The following TRPS1 variants were observed in gnomAD, a reference collection of about 807,000 sequenced individuals.
The protein encoded by TRPS1 is zinc finger transcription factor Trps1.
A neutral mutation model predicts 101.2 loss-of-function variants in TRPS1; 6 were observed. That is an observed-to-expected ratio of 0.06 (90% confidence interval 0.03 to 0.12). The LOEUF (loss-of-function observed/expected upper bound fraction) is 0.12, where lower values mean the gene tolerates loss of function less well. Ranked by LOEUF, TRPS1 falls within the 10% of genes least tolerant of loss-of-function variation. The probability of loss-of-function intolerance (pLI) is 1.00; values close to 1 mark genes in which losing one functional copy is unlikely to be tolerated. For synonymous variants in TRPS1, 578 were observed against 589.8 expected, an observed-to-expected ratio of 0.98 and a Z score of 0.29; for missense variants, 1,363 against 1,567.0, an observed-to-expected ratio of 0.87 and a Z score of 2.20.
At chr8:115,631,634 CATGGATGGATGGATGGATGG>C (rs57368306) in intron 1 of TRPS1, among the ~76,000 whole-genome samples, 262 of 149,408 alleles carry the variant, frequency 1.8e-3, no homozygotes, top group African/African-American at 5.8e-3. Context: ...TTATTAGATG[CATGGATGGATGGATGGATGG>C]ATGGATGGAT....
intron 5 of TRPS1, among the ~76,000 whole-genome samples, chr8:115,551,200 A>T (rs1243023988): frequency 1.3e-5 from 2 of 152,220 alleles, no homozygotes; most frequent in Non-Finnish European, 2.9e-5. Flanking sequence ...TAATATTCCA[A>T]AATATTAGGA....
intron 3 of TRPS1, among the ~76,000 whole-genome samples, chr8:115,606,128 G>A (rs180740300): frequency 8.9e-4 from 136 of 152,192 alleles, no homozygotes; most frequent in African/African-American, 3.1e-3. Flanking sequence ...ACGTGTGATC[G>A]CTGTTCATAT....
intron 5 of TRPS1, among the ~76,000 whole-genome samples, chr8:115,457,079 G>T (rs1341867384): frequency 2.0e-5 from 3 of 151,994 alleles, no homozygotes; most frequent in Non-Finnish European, 2.9e-5. Flanking sequence ...AAATGATGTG[G>T]TTTAGAAAAA....
chr8:115,606,624 AG>A (rs1439833441), intron 3 of TRPS1, among the ~76,000 whole-genome samples: 37 of 152,130 alleles, frequency 2.4e-4, no homozygotes, highest in Non-Finnish European at 4.4e-5. Flanking sequence ...ATGGTGTGAG[AG>A]GTTTCAAAGC....
intron 5 of TRPS1, among the ~76,000 whole-genome samples, chr8:115,478,929 GTA>G (rs1356979810): frequency 2.0e-5 from 3 of 148,362 alleles, no homozygotes; most frequent in South Asian, 4.2e-4. Flanking sequence ...GTATATATGT[GTA>G]TATATGTATA....
At chr8:115,528,562 T>C (rs1351450950) in intron 5 of TRPS1, among the ~76,000 whole-genome samples, 2 of 152,080 alleles carry the variant, frequency 1.3e-5, no homozygotes, top group African/African-American at 4.8e-5. Flanking sequence ...TACATTCATA[T>C]GACACCTTAA....
chr8:115,418,480 A>G lies in TRPS1; in HGVS notation c.2701-28T>C. ...GAAACAGGGGAAAAAAACCAAGGTC[A>G]GAGGTGAGTCACATGATCAGTGGAG... is the stretch of plus-strand genomic sequence containing the variant. On this transcript the variant is annotated intron_variant, in intron 5 of 6. Coordinates refer to ENST00000395715, the MANE Select transcript of TRPS1 (RefSeq NM_014112.5). The surrounding 1 kb of genome is among the most constrained non-coding windows in gnomAD (Gnocchi z 4.3). 1 of 1,614,088 alleles carries G rather than the reference A, an allele frequency of 6.2e-7. No individual in the cohort carries two copies. The highest frequency in any genetic ancestry group is 8.5e-7 in the Non-Finnish European group (1 of 1,179,944).
chr8:115,643,542 T>C (rs2130592465), intron 1 of TRPS1, among the ~76,000 whole-genome samples: 1 of 152,194 alleles, frequency 6.6e-6, no homozygotes, highest in East Asian at 1.9e-4. Context: ...TTGCAGCAAT[T>C]CAGTCATATC....
intron 5 of TRPS1, among the ~76,000 whole-genome samples, chr8:115,579,422 A>G (rs1299367050): frequency 6.6e-6 from 1 of 152,070 alleles, no homozygotes; most frequent in Non-Finnish European, 1.5e-5. Flanking sequence ...GACTTTTTTT[A>G]TGATCAAGCA....
intron 4 of TRPS1, among the ~76,000 whole-genome samples, chr8:115,596,461 C>A (rs985568875): frequency 6.6e-6 from 1 of 151,750 alleles, no homozygotes; most frequent in African/African-American, 2.4e-5. Context: ...TCATTTACAT[C>A]TAAGTTCGCA....
At chr8:115,416,752 C>T (rs1812931275) in intron 6 of TRPS1, among the ~76,000 whole-genome samples, 1 of 151,960 alleles carries the variant, frequency 6.6e-6, no homozygotes, top group Non-Finnish European at 1.5e-5. Context: ...AAAGATAACA[C>T]AGTTGTTATT....
intron 5 of TRPS1, among the ~76,000 whole-genome samples, chr8:115,549,786 T>C (rs1315247585): frequency 6.6e-6 from 1 of 152,188 alleles, no homozygotes; most frequent in Non-Finnish European, 1.5e-5. Context: ...AAGAATCTAT[T>C]TGTTTTGGGG....
At chr8:115,583,194 G>T (rs1052556921) in intron 5 of TRPS1, among the ~76,000 whole-genome samples, 1 of 151,600 alleles carries the variant, frequency 6.6e-6, no homozygotes, top group Non-Finnish European at 1.5e-5. Flanking sequence ...TCTTATTCAG[G>T]AAACAATAAA....
chr8:115,604,875 T>A lies in TRPS1; in HGVS notation c.1094A>T (p.Gln365Leu). Reference protein sequence around the residue: ...YMGNSSTELEQHFLQTHPNKI... With the variant: ...YMGNSSTELELHFLQTHPNKI... Reference sequence around the variant, plus strand: ...GTTTGGGTGAGTCTGAAGAAAATGTTGTTCTAATTCGGTGGATGAGTTGCC... The same window carrying A: ...GTTTGGGTGAGTCTGAAGAAAATGTAGTTCTAATTCGGTGGATGAGTTGCC... Residue 365 changes from glutamine (Q) to leucine (L), a missense_variant, in exon 4 of 7, where the codon CAA becomes CTA. This residue lies in a region of TRPS1 where 1,020 missense variants were observed against 1,073.0 expected (regional missense o/e 0.95). Coordinates refer to ENST00000395715, the MANE Select transcript of TRPS1 (RefSeq NM_014112.5). This position sits in a 1 kb window ranked among gnomAD's most constrained non-coding sequence, Gnocchi z 4.1. 6.2e-7 allele frequency: 1 copy of A among 1,614,078 alleles called. No homozygotes were observed. The highest frequency in any genetic ancestry group is 8.5e-7 in the Non-Finnish European group (1 of 1,179,970).
intron 5 of TRPS1, among the ~76,000 whole-genome samples, chr8:115,475,303 T>TATATATA (rs1814577395): frequency 6.9e-6 from 1 of 144,396 alleles, no homozygotes; most frequent in African/African-American, 2.7e-5. Flanking sequence ...TATATATATA[T>TATATATA]ATTTGTTATC....
chr8:115,589,349 A>G (rs1273370651), intron 4 of TRPS1, among the ~76,000 whole-genome samples: 1 of 152,214 alleles, frequency 6.6e-6, no homozygotes, highest in East Asian at 1.9e-4. Context: ...TCATTCCTTT[A>G]TAAGACATGT....
chr8:115,615,155 T>G (rs1040502040), intron 3 of TRPS1, among the ~76,000 whole-genome samples: 1 of 152,296 alleles, frequency 6.6e-6, no homozygotes, highest in East Asian at 1.9e-4. Context: ...CAAAATAAAT[T>G]TAATAGCTGG....
chr8:115,498,415 C>CTCTCTCTATATATA (rs1486361297), intron 5 of TRPS1, among the ~76,000 whole-genome samples: 2 of 39,316 alleles, frequency 5.1e-5, no homozygotes, highest in African/African-American at 1.1e-4. Context: ...CTCTCTCTCT[C>CTCTCTCTATATATA]TATATATATA....
intron 3 of TRPS1, among the ~76,000 whole-genome samples, chr8:115,616,146 T>C (rs1818272402): frequency 6.6e-6 from 1 of 152,224 alleles, no homozygotes; most frequent in Admixed American, 6.5e-5. Context: ...CTTGGCTTTC[T>C]GATGGCTATT....
Sources: gnomAD v4.1 joint callset for allele counts (sites outside exome capture counted in the v4.1 genomes callset) on GRCh38, gnomAD v4.1.1 for gene constraint, gnomAD v4.1.1 regional missense constraint, Gnocchi (gnomAD v3.1) non-coding constraint, MANE v1.5 for transcripts, NCBI Gene and HGNC (gene_info 2026-07-23, HGNC 2026-07-21) for gene names.